The following UBQLN4 variants were observed in gnomAD, a reference collection of about 807,000 sequenced individuals.
UBQLN4 encodes the protein ubiquilin-4.
In UBQLN4, 11 loss-of-function variants were observed where a neutral mutation model predicts 60.4. The observed-to-expected ratio is 0.18, with a 90% CI of 0.11 to 0.30. UBQLN4 has a LOEUF of 0.30. Ranked by LOEUF, UBQLN4 falls within the 10% of genes least tolerant of loss-of-function variation. UBQLN4 has a pLI of 1.00. For missense variants in UBQLN4, 417 were observed against 795.5 expected, an observed-to-expected ratio of 0.52 and a Z score of 5.72; for synonymous variants, 258 against 313.1, an observed-to-expected ratio of 0.82 and a Z score of 1.86.
downstream of UBQLN4, among the ~76,000 whole-genome samples, chr1:156,034,825 C>CTATATATATATATATATATATA (rs34720108): frequency 4.3e-5 from 2 of 46,384 alleles, no homozygotes; most frequent in Non-Finnish European, 8.2e-5. Context: ...CCTTAACCTT[C>CTATATATATATATATATATATA]TATATATATA....
At chr1:156,034,859 AT>A (rs1683361440), downstream of UBQLN4, among the ~76,000 whole-genome samples, 2 of 67,932 alleles carry the variant, frequency 2.9e-5, no homozygotes, top group East Asian at 6.1e-4. Flanking sequence ...ATATATATAT[AT>A]ATATATATAT....
Position 156,051,167 on chromosome 1 carries a change from C to A in UBQLN4, c.421G>T (p.Gly141Trp), listed in dbSNP as rs748983695. The A allele has an allele frequency of 1.2e-6, 2 of 1,611,842 alleles. No individual in the cohort carries two copies. The highest frequency in any genetic ancestry group is 2.7e-5 in the African/African-American group (2 of 75,048). Reference protein sequence around the residue: ...AGSGSRRSSGGGPSPGAGEGS... With the variant: ...AGSGSRRSSGWGPSPGAGEGS... ...TCCCCAGCCCCCGGAGAGGGCCCCC[C>A]ACCACTGCTCCTCCGGCTTCCACTG... is the stretch of plus-strand genomic sequence containing the variant. The change falls in exon 3 of 11, where the codon GGG becomes TGG. Residue 141 changes from glycine (G) to tryptophan (W), a missense_variant. Gly to Trp is a radical substitution (Grantham distance 184, BLOSUM62 -2). Coordinates refer to ENST00000368309, the MANE Select transcript of UBQLN4 (RefSeq NM_020131.5).
chr1:156,042,354 G>A (rs1558086836), intron 7 of UBQLN4, 118 bp from the exon 8 acceptor site: 2 of 1,444,102 alleles, frequency 1.4e-6, no homozygotes, highest in Non-Finnish European at 1.8e-6. Context: ...AGCTTCTCCG[G>A]GGATCTCAAA....
Position 156,042,617 on chromosome 1 carries a change from G to A in UBQLN4, c.1266+157C>T, listed in dbSNP as rs1683597884. On this transcript the variant is annotated intron_variant, in intron 7 of 10. Coordinates refer to ENST00000368309, the MANE Select transcript of UBQLN4 (RefSeq NM_020131.5). ...CATCTTACAGATAAAGAAACTGGGA[G>A]GCTAAATAACTTGCTTAACTCACAC... 9.2e-6 allele frequency: 11 copies of A among 1,196,442 alleles called. No homozygotes were observed. The South Asian group carries it at 1.7e-4, about 18-fold the overall frequency. 74.1% of individuals were successfully genotyped at this position (1,196,442 alleles called of 1,614,324 possible).
At position 156,050,320 on chromosome 1, in the gene UBQLN4, T is replaced by C. The variant is rs1211868957; in HGVS notation, c.712A>G (p.Met238Val). The change falls in exon 4 of 11, where the codon ATG (methionine) becomes GTG (valine). Residue 238 changes from methionine (M) to valine (V), a missense_variant. Transcript: ENST00000368309. The surrounding 1 kb of genome is among the most constrained non-coding windows in gnomAD (Gnocchi z 4.6). ...CTCATGAGTTCAGGGTTATTGAGCATGTGGCTGATCTCAGGGTTCCGCTCC... is the reference window on the plus strand; with the variant it reads ...CTCATGAGTTCAGGGTTATTGAGCACGTGGCTGATCTCAGGGTTCCGCTCC... ...LMERNPEISH[M>V]LNNPELMRQT... 1.9e-6 allele frequency: 3 copies of C among 1,598,102 alleles called. No homozygotes were observed. Among genetic ancestry groups the C allele is most frequent in the East Asian group, 4.5e-5 (2 of 44,684 alleles).
chr1:156,039,945 A>C (rs1218516593), intron 10 of UBQLN4, among the ~76,000 whole-genome samples: 20 of 150,742 alleles, frequency 1.3e-4, no homozygotes, highest in African/African-American at 4.6e-4. Context: ...TCAAAAAAAA[A>C]AAAAAAAAAA....
At position 156,050,434 on chromosome 1, in the gene UBQLN4, T is replaced by A; in HGVS notation, c.598A>T (p.Met200Leu). The A allele has an allele frequency of 1.2e-6, 2 of 1,614,026 alleles. No individual in the cohort carries two copies. Among genetic ancestry groups the A allele is most frequent in the Non-Finnish European group, 1.7e-6 (2 of 1,180,030 alleles). ...ATATCCTGGACCAGGGGGTTCTCCA[T>A]GATCTGTGACAGCATCTCAGGATTG... ...MSNPEMLSQI[M>L]ENPLVQDMMS... is the part of the protein sequence containing the mutation. Residue 200 changes from methionine (M) to leucine (L), a missense_variant, in exon 4 of 11, where the codon ATG becomes TTG. Physicochemically the swap from Met to Leu is conservative, Grantham distance 15. Coordinates refer to ENST00000368309, the MANE Select transcript of UBQLN4 (RefSeq NM_020131.5). This position sits in a 1 kb window ranked among gnomAD's most constrained non-coding sequence, Gnocchi z 4.6.
chr1:156,042,433 G>A, intron 7 of UBQLN4, 197 bp from the exon 8 acceptor site: 1 of 1,410,430 alleles, frequency 7.1e-7, no homozygotes, highest in Non-Finnish European at 9.2e-7. Context: ...AAGAGTATGA[G>A]GAGTCAGCCT....
chr1:156,049,940 C>T (rs1481944419), intron 4 of UBQLN4, among the ~76,000 whole-genome samples: 2 of 152,220 alleles, frequency 1.3e-5, no homozygotes, highest in African/African-American at 2.4e-5. Flanking sequence ...TCTTTCTTTC[C>T]CCCTGGTTCG....
At position 156,035,870 on chromosome 1, in the gene UBQLN4, G is replaced by T. The variant is rs888283177; in HGVS notation, c.*1108C>A. On this transcript the variant is annotated 3_prime_UTR_variant, in exon 11 of 11. Transcript: ENST00000368309. ...AGCACTCTGAACCAGAAACCAACAA[G>T]GAATCCACTTCCCACCCAACTTAAG... The T allele has an allele frequency of 1.0e-6, 1 of 985,220 alleles. No homozygotes were observed. The highest frequency in any genetic ancestry group is 1.2e-6 in the Non-Finnish European group (1 of 829,876). The allele number at this position is 985,220 out of a possible 1,614,324, so 61.0% of individuals were successfully genotyped here. A position where few individuals can be genotyped will look rare whatever the true frequency, so the allele number is the denominator to read the frequency against.
intron 6 of UBQLN4, 134 bp from the exon 7 acceptor site, chr1:156,043,047 C>T (rs1182678513): frequency 2.4e-6 from 3 of 1,241,276 alleles, no homozygotes; most frequent in East Asian, 2.6e-5. Context: ...AGTGGGCACC[C>T]TAGGATTGTG....
At chr1:156,051,031 C>T in intron 3 of UBQLN4, 79 bp downstream of exon 3, 1 of 1,394,794 alleles carries the variant, frequency 7.2e-7, no homozygotes, top group Non-Finnish European at 1.0e-6. Context: ...GGAGCAGGAA[C>T]TCCTGTTTCT....
At position 156,041,982 on chromosome 1, in the gene UBQLN4, C is replaced by T. The variant is rs755301564; in HGVS notation, c.1356G>A (p.Gln452=). The part of the protein sequence containing the change: ...LQLPVFLQQM[Q]NPESLSILTN... Reference sequence around the variant, plus strand: ...TAAGGATGGAGAGTGACTCTGGGTTCTGCATCTGGTGGGAAATAAGCAGAG... The same window carrying T: ...TAAGGATGGAGAGTGACTCTGGGTTTTGCATCTGGTGGGAAATAAGCAGAG... Residue 452 remains glutamine (Q), a synonymous_variant, in exon 9 of 11, where the codon CAG becomes CAA. Transcript: ENST00000368309. The T allele has an allele frequency of 1.9e-6, 3 of 1,614,076 alleles. No individual in the cohort carries two copies. The highest frequency in any genetic ancestry group is 2.5e-6 in the Non-Finnish European group (3 of 1,180,016).
At chr1:156,033,045 G>A (rs1015165033), downstream of UBQLN4, among the ~76,000 whole-genome samples, 1 of 152,208 alleles carries the variant, frequency 6.6e-6, no homozygotes, top group African/African-American at 2.4e-5. Context: ...TGAGGCACAA[G>A]GAGCACCTGA....
chr1:156,046,960 A>C (rs1159279067), intron 5 of UBQLN4, among the ~76,000 whole-genome samples: 1 of 152,192 alleles, frequency 6.6e-6, no homozygotes, highest in Non-Finnish European at 1.5e-5. Flanking sequence ...AGAATGATAA[A>C]CCCCAACTTC....
chr1:156,052,818 T>C (rs1439733607), intron 1 of UBQLN4, among the ~76,000 whole-genome samples: 4 of 152,210 alleles, frequency 2.6e-5, no homozygotes, highest in Non-Finnish European at 5.9e-5. Context: ...AGTAATTCTA[T>C]GTGGTTAGGG....
chr1:156,034,444 C>T (rs781583342), downstream of UBQLN4, among the ~76,000 whole-genome samples: 12 of 151,688 alleles, frequency 7.9e-5, no homozygotes, highest in Non-Finnish European at 1.3e-4. Flanking sequence ...ATTACAGGCA[C>T]CTGCCACCGT....
rs553581977 is a variant in UBQLN4 at position 156,047,976 on chromosome 1, A to T, written c.900+525T>A. Reference sequence around the variant, plus strand: ...GCAACATGTTAGGGCAACATTGATTAAAAACAAAAAAAAAGAATGTTACAT... The same window carrying T: ...GCAACATGTTAGGGCAACATTGATTTAAAACAAAAAAAAAGAATGTTACAT... On this transcript the variant is annotated intron_variant, in intron 5 of 10. Coordinates refer to ENST00000368309, the MANE Select transcript of UBQLN4 (RefSeq NM_020131.5). 2.6e-5 allele frequency among the ~76,000 whole-genome samples: 4 copies of T among 152,258 alleles called. No homozygotes were observed. In the South Asian group the frequency reaches 8.3e-4, roughly 32 times the overall value.
At chr1:156,051,620 C>A (rs1683873469) in intron 2 of UBQLN4, 86 bp downstream of exon 2, 12 of 1,585,114 alleles carry the variant, frequency 7.6e-6, no homozygotes, top group Non-Finnish European at 1.0e-5. Flanking sequence ...AGCTTAGGCC[C>A]TCTGGGTACA....
Sources: gnomAD v4.1 joint callset for allele counts (sites outside exome capture counted in the v4.1 genomes callset) on GRCh38, gnomAD v4.1.1 for gene constraint, Gnocchi (gnomAD v3.1) non-coding constraint, MANE v1.5 for transcripts, NCBI Gene and HGNC (gene_info 2026-07-23, HGNC 2026-07-21) for gene names.